Variants in AFF1 observed in about 807,000 individuals in gnomAD.
AFF1 encodes the protein AF4/FMR2 family member 1.
Under a neutral mutation model 121.7 loss-of-function variants are expected in AFF1, and 48 were observed. That is an observed-to-expected ratio of 0.39 (90% CI 0.31 to 0.50). AFF1 has a LOEUF of 0.50. Ranked by LOEUF, AFF1 falls within the 20% of genes least tolerant of loss-of-function variation. The pLI is 0.76. For missense variants in AFF1, 1,523 were observed against 1,511.7 expected (o/e 1.01, Z -0.12); for synonymous variants, 613 against 563.0 (o/e 1.09, Z -1.26).
chr4:86,957,439 A>G (rs1344218046), intron 2 of AFF1, among the ~76,000 whole-genome samples: 1 of 152,192 alleles, frequency 6.6e-6, no homozygotes, highest in Non-Finnish European at 1.5e-5. Flanking sequence ...TCAGTAGCCT[A>G]ATTTTACTGG....
At chr4:87,092,055 A>T (rs192609936) in intron 7 of AFF1, among the ~76,000 whole-genome samples, 2 of 152,350 alleles carry the variant, frequency 1.3e-5, no homozygotes, top group Admixed American at 1.3e-4. Context: ...AGTCCAAGGC[A>T]GTTGGATCGC....
chr4:87,044,632 G>C (rs1730489489), intron 2 of AFF1, among the ~76,000 whole-genome samples: 1 of 152,176 alleles, frequency 6.6e-6, no homozygotes, highest in Non-Finnish European at 1.5e-5. Context: ...TCAAAGTCTA[G>C]GATATCACTG....
intron 4 of AFF1, among the ~76,000 whole-genome samples, chr4:87,068,523 C>T (rs753770410): frequency 6.6e-6 from 1 of 152,216 alleles, no homozygotes; most frequent in Non-Finnish European, 1.5e-5. Flanking sequence ...TGGGTCTTCA[C>T]ATCCTGGTTT....
intron 2 of AFF1, among the ~76,000 whole-genome samples, chr4:86,956,554 A>G (rs778305665): frequency 7.2e-5 from 11 of 152,142 alleles, no homozygotes; most frequent in Non-Finnish European, 1.3e-4. Context: ...GCTTTAGAAC[A>G]TTTTCATCTA....
chr4:87,046,388 G>A (rs1413514832), intron 3 of AFF1, 102 bp downstream of exon 3: 29 of 1,408,048 alleles, frequency 2.1e-5, no homozygotes, highest in Non-Finnish European at 2.8e-5. Flanking sequence ...GGTCACAGCT[G>A]TGAAAATAAG....
intron 12 of AFF1, among the ~76,000 whole-genome samples, chr4:87,115,569 T>C (rs1311541725): frequency 1.3e-5 from 2 of 150,218 alleles, no homozygotes; most frequent in Non-Finnish European, 3.0e-5. Context: ...ATAGCTTCTT[T>C]TAGGATAATG....
Position 87,090,189 on chromosome 4 carries a change from T to C in AFF1, c.1191+119T>C, listed in dbSNP as rs903950407. 14 of 770,464 alleles carry C rather than the reference T, an allele frequency of 1.8e-5. No homozygotes were observed. The African/African-American group carries it at 2.4e-4, about 13-fold the overall frequency. The allele number at this position is 770,464 out of a possible 1,614,324, so 47.7% of individuals were successfully genotyped here. A position where few individuals can be genotyped will look rare whatever the true frequency, so the allele number is the denominator to read the frequency against. On this transcript the variant is annotated intron_variant, in intron 6 of 20. Transcript: ENST00000395146. Reference sequence around the variant, plus strand: ...AAATCTTTGGAAATGAGGTTAAAATTATGATTAATTTAGCTTCTACAGTGC... The same window carrying C: ...AAATCTTTGGAAATGAGGTTAAAATCATGATTAATTTAGCTTCTACAGTGC...
intron 2 of AFF1, among the ~76,000 whole-genome samples, chr4:86,996,539 GA>G: frequency 6.6e-6 from 1 of 151,090 alleles, no homozygotes; most frequent in Non-Finnish European, 1.5e-5. Flanking sequence ...TGCTCGTTAA[GA>G]GTCATCACCA....
rs188608439 is a variant in AFF1, at chr4:87,079,597, C to T, written c.1060-4523C>T. On this transcript the variant is annotated intron_variant, in intron 4 of 20. Coordinates refer to ENST00000395146, the MANE Select transcript of AFF1 (RefSeq NM_001166693.3). Reference sequence around the variant, plus strand: ...ATGCTAATATATTTGTTTCTTGCAGCAGTGTTGAGGTTTTTAGAAAACTGG... The same window carrying T: ...ATGCTAATATATTTGTTTCTTGCAGTAGTGTTGAGGTTTTTAGAAAACTGG... 7.9e-5 allele frequency among the ~76,000 whole-genome samples: 12 copies of T among 152,318 alleles called. No homozygotes were observed. The East Asian group carries it at 1.7e-3, about 22-fold the overall frequency.
At chr4:87,058,709 A>G (rs1720411234) in intron 4 of AFF1, among the ~76,000 whole-genome samples, 1 of 151,778 alleles carries the variant, frequency 6.6e-6, no homozygotes. Flanking sequence ...ACCCTTCTTC[A>G]CTCTTGTGTC....
At chr4:86,941,962 T>C (rs1720497112) in intron 1 of AFF1, among the ~76,000 whole-genome samples, 1 of 151,730 alleles carries the variant, frequency 6.6e-6, no homozygotes, top group South Asian at 2.1e-4. Flanking sequence ...TTTTTCCTTA[T>C]AAATTGGAGT....
At chr4:87,034,323 G>A (rs1281855600) in intron 2 of AFF1, among the ~76,000 whole-genome samples, 3 of 152,186 alleles carry the variant, frequency 2.0e-5, no homozygotes, top group African/African-American at 7.2e-5. Context: ...GGCCTTGTTG[G>A]CCAGGCTTCT....
intron 2 of AFF1, chr4:87,007,062 C>T: frequency 2.5e-6 from 3 of 1,203,292 alleles, no homozygotes; most frequent in Non-Finnish European, 3.1e-6. Context: ...CGGCGGTCTT[C>T]GAGCGTGGGG....
At chr4:87,061,071 C>A (rs549462615) in intron 4 of AFF1, among the ~76,000 whole-genome samples, 1 of 152,208 alleles carries the variant, frequency 6.6e-6, no homozygotes, top group East Asian at 1.9e-4. Context: ...TTGTTCTGAA[C>A]CTAATTGAGT....
At chr4:87,008,699 G>A in intron 2 of AFF1, among the ~76,000 whole-genome samples, 1 of 150,690 alleles carries the variant, frequency 6.6e-6, no homozygotes. Context: ...GAAACTATAT[G>A]TCTTTTCATA....
intron 2 of AFF1, among the ~76,000 whole-genome samples, chr4:86,982,230 T>C (rs1051775603): frequency 6.6e-6 from 1 of 152,086 alleles, no homozygotes; most frequent in Non-Finnish European, 1.5e-5. Flanking sequence ...TGCAGAGAGA[T>C]TTTACCACAT....
intron 4 of AFF1, among the ~76,000 whole-genome samples, chr4:87,082,543 A>G (rs1393465141): frequency 1.6e-4 from 25 of 152,018 alleles, no homozygotes; most frequent in Admixed American, 1.4e-3. Flanking sequence ...TAATTTTTAA[A>G]TTTTATTTTT....
chr4:87,022,809 A>G (rs868285910), intron 2 of AFF1, among the ~76,000 whole-genome samples: 50 of 150,580 alleles, frequency 3.3e-4, no homozygotes, highest in African/African-American at 1.2e-3. Context: ...ATATATATGC[A>G]CACACACACA....
chr4:87,003,396 T>G (rs1725869843), intron 2 of AFF1, among the ~76,000 whole-genome samples: 1 of 152,194 alleles, frequency 6.6e-6, no homozygotes, highest in African/African-American at 2.4e-5. Flanking sequence ...CCCAAGTAGC[T>G]AGAACTATAT....
Sources: gnomAD v4.1 joint callset for allele counts (sites outside exome capture counted in the v4.1 genomes callset) on GRCh38, gnomAD v4.1.1 for gene constraint, MANE v1.5 for transcripts, NCBI Gene and HGNC (gene_info 2026-07-23, HGNC 2026-07-21) for gene names.